ZNF235: variants seen among roughly 807,000 people sequenced by gnomAD.
ZNF235 encodes the protein zfp-93.
ZNF235 carries 25 observed loss-of-function variants against 29.4 expected under a neutral mutation model. The observed-to-expected ratio is 0.85, with a 90% CI of 0.62 to 1.19. The LOEUF is 1.19. ZNF235 is among the 50% of genes most tolerant of loss of function. ZNF235 has a pLI of 0.00. For synonymous variants in ZNF235, 300 were observed against 295.3 expected (o/e 1.02, Z -0.16); for missense variants, 788 against 885.0 (o/e 0.89, Z 1.39).
At chr19:44,304,866 G>C (rs1301803773) in intron 1 of ZNF235, 105 bp downstream of exon 1, 1 of 985,320 alleles carries the variant, frequency 1.0e-6, no homozygotes, top group African/African-American at 1.7e-5. Flanking sequence ...GCCCTCCAGC[G>C]CTGGCCGCGG....
intron 4 of ZNF235, among the ~76,000 whole-genome samples, chr19:44,292,762 T>C (rs1406054799): frequency 1.3e-5 from 2 of 151,912 alleles, no homozygotes; most frequent in South Asian, 2.1e-4. Flanking sequence ...CGAAAATACA[T>C]TGCAAGATGG....
Position 44,287,066 on chromosome 19 carries a change from A to C in ZNF235, c.*152T>G. The stretch of plus-strand genomic sequence containing the variant: ...TTGTAAAGAATTCATGTCCTAACCA[A>C]GTCTAAAACACAGCATTTGAGAGAC... On this transcript the variant is annotated 3_prime_UTR_variant, in exon 5 of 5. Transcript: ENST00000291182. 1 of 747,232 alleles carries C rather than the reference A, an allele frequency of 1.3e-6. No homozygotes were observed. The highest frequency in any genetic ancestry group is 2.1e-6 in the Non-Finnish European group (1 of 485,992). The allele number at this position is 747,232 out of a possible 1,614,324, so 46.3% of individuals were successfully genotyped here.
At chr19:44,293,091 A>G (rs924916664) in intron 4 of ZNF235, among the ~76,000 whole-genome samples, 1 of 152,118 alleles carries the variant, frequency 6.6e-6, no homozygotes, top group African/African-American at 2.4e-5. Flanking sequence ...CATGAAAACA[A>G]AAGGTTGATA....
intron 4 of ZNF235, among the ~76,000 whole-genome samples, chr19:44,296,733 G>A (rs1975659397): frequency 6.6e-6 from 1 of 151,766 alleles, no homozygotes; most frequent in African/African-American, 2.4e-5. Context: ...CATTTTCTAG[G>A]ATACACCATA....
intron 2 of ZNF235, 24 bp from the exon 3 acceptor site, chr19:44,299,756 C>G: frequency 6.2e-7 from 1 of 1,613,644 alleles, no homozygotes; most frequent in Non-Finnish European, 8.5e-7. Flanking sequence ...CACATGTAAC[C>G]TCAATCTCAC....
Position 44,289,005 on chromosome 19 carries a change from C to G in ZNF235, c.430G>C (p.Gly144Arg). ...GAAGCTTGAATAGATTCTCCTGCTC[C>G]CACTTGACAGGGGGAATCATGGTGC... ...PKHHDSPCQV[G>R]AGESIQASVD... Residue 144 changes from glycine (G) to arginine (R), a missense_variant, in exon 5 of 5, where the codon GGA becomes CGA. By Grantham distance (125) the Gly-to-Arg change is moderately radical (BLOSUM62 -2). Transcript: ENST00000291182. 2 of 1,614,082 alleles carry G rather than the reference C, an allele frequency of 1.2e-6. No homozygotes were observed. The highest frequency in any genetic ancestry group is 2.2e-5 in the South Asian group (2 of 91,084).
chr19:44,298,335 G>T (rs1975684188), intron 4 of ZNF235, among the ~76,000 whole-genome samples: 1 of 152,060 alleles, frequency 6.6e-6, no homozygotes, highest in African/African-American at 2.4e-5. Flanking sequence ...TTTTACTCAT[G>T]AAATGGGAAG....
chr19:44,302,932 TTA>T (rs1491204396), intron 2 of ZNF235, among the ~76,000 whole-genome samples: 5 of 132,266 alleles, frequency 3.8e-5, no homozygotes, highest in Non-Finnish European at 6.2e-5. Flanking sequence ...TTGTATGTAT[TTA>T]TATATACATA....
chr19:44,303,468 G>C lies in ZNF235; in HGVS notation c.-48-16C>G. On this transcript the variant is annotated splice_polypyrimidine_tract_variant and intron_variant, in intron 1 of 4. Transcript: ENST00000291182. ...GGAAGTGAACCTGAGGGAGGGAAAG[G>C]CATCATGAGATAGGTTAGGGATGGC... The C allele has an allele frequency of 6.3e-7, 1 of 1,594,324 alleles. No homozygotes were observed. Among genetic ancestry groups the C allele is most frequent in the Non-Finnish European group, 8.6e-7 (1 of 1,167,848 alleles).
At chr19:44,289,725 A>C (rs548421338) in intron 4 of ZNF235, 2 of 152,430 alleles carry the variant, frequency 1.3e-5, no homozygotes, top group South Asian at 4.1e-4. Context: ...AGAAAGGAAA[A>C]ATTGACTTCT....
chr19:44,303,357 AT>A, intron 2 of ZNF235, 32 bp downstream of exon 2: 1 of 1,610,166 alleles, frequency 6.2e-7, no homozygotes, highest in Non-Finnish European at 8.5e-7. Context: ...ATGAGATGTC[AT>A]TTTAAGAAAC....
chr19:44,301,335 GAC>G (rs1357191793), intron 2 of ZNF235, among the ~76,000 whole-genome samples: 1 of 152,080 alleles, frequency 6.6e-6, no homozygotes, highest in Non-Finnish European at 1.5e-5. Flanking sequence ...ACAACTCGAT[GAC>G]ACATGTGGCA....
At chr19:44,301,505 C>A (rs1975736213) in intron 2 of ZNF235, among the ~76,000 whole-genome samples, 1 of 151,542 alleles carries the variant, frequency 6.6e-6, no homozygotes, top group Non-Finnish European at 1.5e-5. Context: ...CAGTCTCACT[C>A]TGTCACCCAG....
intron 4 of ZNF235, among the ~76,000 whole-genome samples, chr19:44,292,998 A>G (rs951323414): frequency 2.0e-5 from 3 of 152,084 alleles, no homozygotes; most frequent in Admixed American, 6.6e-5. Flanking sequence ...AAGGAAAAAT[A>G]AGCCTTCCCC....
At chr19:44,295,447 T>TA (rs11375617) in intron 4 of ZNF235, among the ~76,000 whole-genome samples, 67,366 of 151,442 alleles carry the variant, frequency 0.44, 16,605 homozygotes, top group South Asian at 0.67. Flanking sequence ...GTAGATGACA[T>TA]AAAAAAAATG....
At chr19:44,302,964 ACG>A (rs1491541080) in intron 2 of ZNF235, among the ~76,000 whole-genome samples, 3 of 130,792 alleles carry the variant, frequency 2.3e-5, no homozygotes, top group East Asian at 4.0e-4. Context: ...ATAAATATAT[ACG>A]TATATATGTA....
Position 44,288,826 on chromosome 19 carries a change from C to T in ZNF235, c.609G>A (p.Met203Ile). 6.2e-7 allele frequency: 1 copy of T among 1,612,696 alleles called. No homozygotes were observed. Among genetic ancestry groups the T allele is most frequent in the South Asian group, 1.1e-5 (1 of 90,908 alleles). Residue 203 changes from methionine (M) to isoleucine (I), a missense_variant, in exon 5 of 5, where the codon ATG becomes ATA. Physicochemically the swap from Met to Ile is conservative, Grantham distance 10. Transcript: ENST00000291182. ...GAGCAAATATACATAGTTTGTTTTTCATCTGAGTCTGCTTACAACTTCTCT... is the reference window on the plus strand; with the variant it reads ...GAGCAAATATACATAGTTTGTTTTTTATCTGAGTCTGCTTACAACTTCTCT... ...NYQRSCKQTQ[M>I]KNKLCIFAPY...
At position 44,302,965 on chromosome 19, in the gene ZNF235, CGTAT is replaced by C. The variant is rs1599894826; in HGVS notation, c.15+421_15+424del. Among the ~76,000 whole-genome samples, 3 of 115,976 alleles carry C rather than the reference CGTAT, an allele frequency of 2.6e-5. No homozygotes were observed. The East Asian group carries it at 6.8e-4, about 26-fold the overall frequency. The allele number at this position is 115,976 out of a possible 152,430, so 76.1% of individuals were successfully genotyped here. Reference sequence around the variant, plus strand: ...ACATATTTGTATATATAAATATATACGTATATATGTATATATTTATATATAAATA... The same window carrying C: ...ACATATTTGTATATATAAATATATACATATGTATATATTTATATATAAATA... On this transcript the variant is annotated intron_variant, in intron 2 of 4. Coordinates refer to ENST00000291182, the MANE Select transcript of ZNF235 (RefSeq NM_004234.4).
At chr19:44,296,918 A>G (rs1300933267) in intron 4 of ZNF235, among the ~76,000 whole-genome samples, 3 of 152,218 alleles carry the variant, frequency 2.0e-5, no homozygotes, top group African/African-American at 4.8e-5. Flanking sequence ...AGAAGAAATC[A>G]CAGGGGAAAC....
Sources: allele counts gnomAD v4.1 joint callset (sites outside exome capture counted in the v4.1 genomes callset), GRCh38; gene constraint gnomAD v4.1.1; transcripts MANE v1.5; gene names NCBI Gene and HGNC (gene_info 2026-07-23, HGNC 2026-07-21).